The following CNTN3 variants were observed in gnomAD, a reference collection of about 807,000 sequenced individuals.
The protein encoded by CNTN3 is contactin 3, also known as contactin-3.
Under a neutral mutation model 119.1 loss-of-function variants are expected in CNTN3, and 60 were observed. That is an observed-to-expected ratio of 0.50 (90% confidence interval 0.41 to 0.62). The LOEUF is 0.62. CNTN3 is among the 20% of genes least tolerant of loss of function. The pLI is 0.00. For missense variants in CNTN3, 1,101 were observed against 1,242.4 expected (o/e 0.89, Z 1.71); for synonymous variants, 450 against 438.7 (o/e 1.03, Z -0.32).
intron 4 of CNTN3, among the ~76,000 whole-genome samples, chr3:74,482,318 T>C (rs751142460): frequency 5.9e-5 from 9 of 152,006 alleles, no homozygotes; most frequent in Non-Finnish European, 1.3e-4. Flanking sequence ...CTAATACTAG[T>C]AAATGTTCAC....
chr3:74,267,622 C>T (rs1701689702), intron 20 of CNTN3: 2 of 400,108 alleles, frequency 5.0e-6, no homozygotes, highest in African/African-American at 2.0e-5. Flanking sequence ...CAAACCTGCA[C>T]ATGTACCCCG....
chr3:74,281,145 T>C (rs1575694796), intron 20 of CNTN3, among the ~76,000 whole-genome samples: 1 of 152,208 alleles, frequency 6.6e-6, no homozygotes, highest in East Asian at 1.9e-4. Context: ...ATTTAGCATT[T>C]ACCTGGAGTG....
intron 1 of CNTN3, among the ~76,000 whole-genome samples, chr3:74,600,744 A>T (rs1704896294): frequency 6.6e-6 from 1 of 152,066 alleles, no homozygotes; most frequent in South Asian, 2.1e-4. Flanking sequence ...AAATTCACCA[A>T]GTAGCCGCTA....
intron 11 of CNTN3, among the ~76,000 whole-genome samples, chr3:74,359,876 T>C (rs1203194441): frequency 6.6e-6 from 1 of 152,138 alleles, no homozygotes; most frequent in Admixed American, 6.6e-5. Flanking sequence ...GAGTTCCATA[T>C]GAAGAGTTAA....
At chr3:74,291,456 G>C (rs921447926) in intron 19 of CNTN3, among the ~76,000 whole-genome samples, 3 of 152,122 alleles carry the variant, frequency 2.0e-5, no homozygotes, top group African/African-American at 4.8e-5. Flanking sequence ...TCTAGTTCTA[G>C]ATCCTTGAGG....
chr3:74,478,883 G>A (rs899939722), intron 4 of CNTN3, among the ~76,000 whole-genome samples: 19 of 152,132 alleles, frequency 1.2e-4, no homozygotes, highest in Admixed American at 9.2e-4. Flanking sequence ...ATATCTTGAT[G>A]TGGATATGAG....
chr3:74,403,950 C>G (rs962713550), intron 5 of CNTN3, among the ~76,000 whole-genome samples: 2 of 151,962 alleles, frequency 1.3e-5, no homozygotes, highest in Non-Finnish European at 2.9e-5. Flanking sequence ...TACTCGCCCC[C>G]CTCCTCCCTG....
chr3:74,514,603 C>T (rs913155154), intron 2 of CNTN3, among the ~76,000 whole-genome samples: 1 of 152,042 alleles, frequency 6.6e-6, no homozygotes, highest in South Asian at 2.1e-4. Context: ...TATCTTCTCC[C>T]ATAGTTTCAT....
intron 4 of CNTN3, among the ~76,000 whole-genome samples, chr3:74,468,038 A>G (rs1702496162): frequency 6.6e-6 from 1 of 152,188 alleles, no homozygotes; most frequent in South Asian, 2.1e-4. Flanking sequence ...AAAGGGCCAA[A>G]TGGGCTGATA....
intron 1 of CNTN3, among the ~76,000 whole-genome samples, chr3:74,580,562 G>A (rs571663528): frequency 6.6e-6 from 1 of 152,078 alleles, no homozygotes; most frequent in East Asian, 1.9e-4. Context: ...AGTTGTCCCA[G>A]AATACAAAAT....
Position 74,346,809 on chromosome 3 carries a change from C to CCATA in CNTN3, c.1365-10152_1365-10151insTATG, listed in dbSNP as rs1391892566. On this transcript the variant is annotated intron_variant, in intron 11 of 22. Coordinates refer to ENST00000263665, the MANE Select transcript of CNTN3 (RefSeq NM_020872.3). ...TCCATCCATGCATCCACTCACCTGACCTGTTTCCATGAAGGGCTTCAGGGA... is the reference window on the plus strand; with the variant it reads ...TCCATCCATGCATCCACTCACCTGACCATACTGTTTCCATGAAGGGCTTCAGGGA... 1.8e-4 allele frequency among the ~76,000 whole-genome samples: 28 copies of CCATA among 152,052 alleles called. 1 individual carries two copies. The highest frequency in any genetic ancestry group is 9.2e-4 in the Admixed American group (14 of 15,280).
At chr3:74,517,035 T>C (rs1703462066) in intron 2 of CNTN3, among the ~76,000 whole-genome samples, 2 of 151,894 alleles carry the variant, frequency 1.3e-5, no homozygotes, top group South Asian at 2.1e-4. Context: ...GAGGAAGTCA[T>C]GCCCACAGGC....
chr3:74,519,613 G>A (rs1703508632), intron 2 of CNTN3, among the ~76,000 whole-genome samples: 1 of 151,606 alleles, frequency 6.6e-6, no homozygotes, highest in Non-Finnish European at 1.5e-5. Context: ...CAGTAATACT[G>A]CTGCAGTACA....
chr3:74,412,105 T>C (rs1243585625), intron 5 of CNTN3, among the ~76,000 whole-genome samples: 1 of 152,222 alleles, frequency 6.6e-6, no homozygotes, highest in Admixed American at 6.5e-5. Context: ...GGGAACATGA[T>C]GTGTCCTCAC....
intron 13 of CNTN3, among the ~76,000 whole-genome samples, chr3:74,315,607 A>G (rs1229186818): frequency 6.6e-6 from 1 of 152,234 alleles, no homozygotes; most frequent in Non-Finnish European, 1.5e-5. Flanking sequence ...AGACCGTAAT[A>G]GAATTAAACT....
At chr3:74,429,165 CTTT>C (rs796405888) in intron 4 of CNTN3, among the ~76,000 whole-genome samples, 1 of 147,178 alleles carries the variant, frequency 6.8e-6, no homozygotes, top group Admixed American at 6.8e-5. Flanking sequence ...TGGGTTTGTT[CTTT>C]TTTTTTTGTA....
At chr3:74,554,460 A>G (rs1001224646) in intron 1 of CNTN3, among the ~76,000 whole-genome samples, 1 of 152,168 alleles carries the variant, frequency 6.6e-6, no homozygotes, top group Non-Finnish European at 1.5e-5. Context: ...GAAGAAAGTC[A>G]GTGGTAGCTT....
chr3:74,278,901 C>T (rs1169639860), intron 20 of CNTN3, among the ~76,000 whole-genome samples: 2 of 151,450 alleles, frequency 1.3e-5, no homozygotes, highest in Non-Finnish European at 1.5e-5. Flanking sequence ...GAACTCAAAT[C>T]AGCGGGAAAA....
intron 1 of CNTN3, among the ~76,000 whole-genome samples, chr3:74,539,134 T>A (rs1370009294): frequency 3.3e-5 from 5 of 152,112 alleles, no homozygotes; most frequent in Non-Finnish European, 5.9e-5. Flanking sequence ...CAGACCTGGA[T>A]CTGATCATCA....
Sources: gnomAD v4.1 joint callset for allele counts (sites outside exome capture counted in the v4.1 genomes callset) on GRCh38, gnomAD v4.1.1 for gene constraint, MANE v1.5 for transcripts, NCBI Gene and HGNC (gene_info 2026-07-23, HGNC 2026-07-21) for gene names.